SDK1: variants seen among roughly 807,000 people sequenced by gnomAD.
SDK1 encodes the protein sidekick cell adhesion molecule 1.
SDK1 carries 157 observed loss-of-function variants against 245.5 expected under a neutral mutation model. The ratio of observed to expected loss-of-function variants is 0.64; its 90% CI spans 0.56 to 0.73. The LOEUF (loss-of-function observed/expected upper bound fraction) is 0.73. Ranked by LOEUF, SDK1 falls within the 30% of genes least tolerant of loss-of-function variation. The pLI, the probability that SDK1 is intolerant of heterozygous loss-of-function variation, is 0.00. For missense variants in SDK1, 3,583 were observed against 3,002.3 expected (o/e 1.19, Z -4.52); for synonymous variants, 1,647 against 1,278.5 (o/e 1.29, Z -6.15).
chr7:3,432,881 G>A (rs1194369708), intron 1 of SDK1, among the ~76,000 whole-genome samples: 2 of 152,160 alleles, frequency 1.3e-5, no homozygotes, highest in African/African-American at 2.4e-5. Context: ...TGCTTTTCTA[G>A]GAAGAATTTC....
intron 1 of SDK1, among the ~76,000 whole-genome samples, chr7:3,403,705 T>C (rs1778950567): frequency 6.6e-6 from 1 of 150,818 alleles, no homozygotes; most frequent in Admixed American, 6.6e-5. Flanking sequence ...GAGAATAGTC[T>C]ATTTCCATGC....
chr7:3,396,499 T>A lies in SDK1; in HGVS notation c.298+94615T>A, dbSNP rs571408350. ...AAAATTGAAATGTTCAACTATTGTT[T>A]CTCTTTAATTTTGTCAGTTTTAGTT... On this transcript the variant is annotated intron_variant, in intron 1 of 44. Coordinates refer to ENST00000404826, the MANE Select transcript of SDK1 (RefSeq NM_152744.4). 2.6e-5 allele frequency among the ~76,000 whole-genome samples: 4 copies of A among 152,004 alleles called. No homozygotes were observed. The East Asian group carries it at 7.7e-4, about 29-fold the overall frequency.
chr7:3,516,459 A>G (rs1482999355), intron 1 of SDK1, among the ~76,000 whole-genome samples: 1 of 152,092 alleles, frequency 6.6e-6, no homozygotes, highest in Non-Finnish European at 1.5e-5. Flanking sequence ...AGTATAGGTA[A>G]TTTTTAGGTG....
chr7:3,417,434 C>T (rs1779405530), intron 1 of SDK1, among the ~76,000 whole-genome samples: 1 of 152,086 alleles, frequency 6.6e-6, no homozygotes, highest in Non-Finnish European at 1.5e-5. Flanking sequence ...ATGCTGTTTT[C>T]TCTGCTAACT....
chr7:3,680,727 G>A (rs539470117), intron 4 of SDK1, among the ~76,000 whole-genome samples: 1 of 152,274 alleles, frequency 6.6e-6, no homozygotes, highest in Non-Finnish European at 1.5e-5. Flanking sequence ...GGAACCTGTG[G>A]CATCTGAGAA....
chr7:3,702,328 A>G (rs1412315518), intron 4 of SDK1, among the ~76,000 whole-genome samples: 1 of 152,228 alleles, frequency 6.6e-6, no homozygotes. Flanking sequence ...ACATTTTACT[A>G]TTGTACGTTT....
At chr7:3,961,783 C>G (rs1400743496) in intron 8 of SDK1, among the ~76,000 whole-genome samples, 1 of 152,194 alleles carries the variant, frequency 6.6e-6, no homozygotes, top group Non-Finnish European at 1.5e-5. Flanking sequence ...TGCCATTGAG[C>G]ACTCACCAGG....
Position 4,209,961 on chromosome 7 carries a change from A to G in SDK1, c.5402-64A>G, listed in dbSNP as rs922394977. On this transcript the variant is annotated intron_variant, in intron 37 of 44. Coordinates refer to ENST00000404826, the MANE Select transcript of SDK1 (RefSeq NM_152744.4). ...TTTTTTATTCTATACGGAGGCACAG[A>G]CATGTATGTATATGATCTATGTAGG... 4 of 1,338,758 alleles carry G rather than the reference A, an allele frequency of 3.0e-6. No homozygotes were observed. In the African/African-American group the frequency reaches 5.9e-5, roughly 20 times the overall value. 82.9% of individuals were successfully genotyped at this position (1,338,758 alleles called of 1,614,324 possible).
intron 25 of SDK1, among the ~76,000 whole-genome samples, chr7:4,119,873 T>C (rs1295656251): frequency 6.7e-6 from 1 of 149,118 alleles, no homozygotes; most frequent in Admixed American, 6.7e-5. Context: ...TTAACATACA[T>C]ACAAGTCTGA....
At chr7:3,360,810 T>C (rs1384080008) in intron 1 of SDK1, among the ~76,000 whole-genome samples, 1 of 152,146 alleles carries the variant, frequency 6.6e-6, no homozygotes, top group Non-Finnish European at 1.5e-5. Context: ...CACTCTGTTA[T>C]GTAATTGTGA....
At chr7:4,182,093 G>T (rs942117006) in intron 35 of SDK1, among the ~76,000 whole-genome samples, 1 of 152,100 alleles carries the variant, frequency 6.6e-6, no homozygotes, top group Non-Finnish European at 1.5e-5. Flanking sequence ...CTAATTTTTT[G>T]TACTTTTAGT....
At chr7:3,564,117 CAAG>C (rs1040042389) in intron 1 of SDK1, among the ~76,000 whole-genome samples, 5 of 150,954 alleles carry the variant, frequency 3.3e-5, no homozygotes, top group African/African-American at 7.3e-5. Context: ...TATTAGGAAA[CAAG>C]AAAGATAAAA....
Position 4,041,766 on chromosome 7 carries a change from C to G in SDK1, c.2603-7582C>G, listed in dbSNP as rs79124675. Among the ~76,000 whole-genome samples, 1,155 of 136,440 alleles carry G rather than the reference C, an allele frequency of 8.5e-3. 356 individuals carry two copies. Among genetic ancestry groups the G allele is most frequent in the African/African-American group, 0.038 (1,135 of 29,738 alleles). The allele number at this position is 136,440 out of a possible 152,430, so 89.5% of individuals were successfully genotyped here. A position where few individuals can be genotyped will look rare whatever the true frequency, so the allele number is the denominator to read the frequency against. On this transcript the variant is annotated intron_variant, in intron 17 of 44. Transcript: ENST00000404826. Reference sequence around the variant, plus strand: ...TTAATGCATGCGTGTCGTGAAAACACAGCATATATATAGTGAAAACAGCAT... The same window carrying G: ...TTAATGCATGCGTGTCGTGAAAACAGAGCATATATATAGTGAAAACAGCAT...
At position 4,084,598 on chromosome 7, in the gene SDK1, T is replaced by G. The variant is rs553949956; in HGVS notation, c.3324+5014T>G. On this transcript the variant is annotated intron_variant, in intron 22 of 44. Coordinates refer to ENST00000404826, the MANE Select transcript of SDK1 (RefSeq NM_152744.4). Reference sequence around the variant, plus strand: ...CCTTCCCAGTAGACAGAACATATTTTCTGAAGCATCATGAGTTCATACTGA... The same window carrying G: ...CCTTCCCAGTAGACAGAACATATTTGCTGAAGCATCATGAGTTCATACTGA... 3.9e-5 allele frequency among the ~76,000 whole-genome samples: 6 copies of G among 152,278 alleles called. 1 individual carries two copies. Among genetic ancestry groups the G allele is most frequent in the African/African-American group, 1.4e-4 (6 of 41,564 alleles).
chr7:4,100,917 T>G (rs1782495645), intron 22 of SDK1, among the ~76,000 whole-genome samples: 1 of 152,110 alleles, frequency 6.6e-6, no homozygotes, highest in African/African-American at 2.4e-5. Context: ...TCCTTCCCTG[T>G]GGCTGTGAGC....
chr7:4,112,006 G>A (rs970501038), intron 23 of SDK1, among the ~76,000 whole-genome samples: 6 of 152,120 alleles, frequency 3.9e-5, no homozygotes, highest in African/African-American at 7.2e-5. Flanking sequence ...TGGTGTGAGC[G>A]GATAGAGGCC....
At chr7:3,868,740 G>T (rs369450477) in intron 5 of SDK1, among the ~76,000 whole-genome samples, 2 of 152,246 alleles carry the variant, frequency 1.3e-5, no homozygotes, top group African/African-American at 2.4e-5. Flanking sequence ...TAAACCAAGG[G>T]CACTTCCAGG....
chr7:3,412,240 C>T (rs539421603), intron 1 of SDK1, among the ~76,000 whole-genome samples: 1 of 152,096 alleles, frequency 6.6e-6, no homozygotes, highest in Non-Finnish European at 1.5e-5. Flanking sequence ...TGCCCCATTT[C>T]CTCAGCCACT....
Position 4,051,820 on chromosome 7 carries a change from T to G in SDK1, c.2901T>G (p.Thr967=). The change falls in exon 19 of 45, where the codon ACT becomes ACG. Residue 967 remains threonine (T), a synonymous_variant. Coordinates refer to ENST00000404826, the MANE Select transcript of SDK1 (RefSeq NM_152744.4). The part of the protein sequence containing the change: ...GPPSTPQLVW[T]QEDKPGAVGH... The stretch of plus-strand genomic sequence containing the variant: ...CCAGCACACCTCAGCTGGTCTGGAC[T>G]CAGGAAGACAGTGAGTATTCCTTTC... 6.2e-7 allele frequency: 1 copy of G among 1,609,718 alleles called. No individual in the cohort carries two copies. Among genetic ancestry groups the G allele is most frequent in the Non-Finnish European group, 8.5e-7 (1 of 1,177,500 alleles).
Sources: allele counts gnomAD v4.1 joint callset (sites outside exome capture counted in the v4.1 genomes callset), GRCh38; gene constraint gnomAD v4.1.1; transcripts MANE v1.5; gene names NCBI Gene and HGNC (gene_info 2026-07-23, HGNC 2026-07-21).